XAF1: variants seen among roughly 807,000 people sequenced by gnomAD.
XAF1 encodes XIAP associated factor 1, also known as XIAP-associated factor 1.
A neutral mutation model predicts 32.3 loss-of-function variants in XAF1; 32 were observed. The ratio of observed to expected loss-of-function variants is 0.99; its 90% CI spans 0.75 to 1.33. The LOEUF is 1.33. Among genes scored for constraint, XAF1 ranks in the 40% most tolerant of loss-of-function variants. The pLI, the probability that XAF1 is intolerant of heterozygous loss-of-function variation, is 0.00. For synonymous variants in XAF1, 120 were observed against 125.9 expected, an observed-to-expected ratio of 0.95 and a Z score of 0.31; for missense variants, 379 against 366.0, an observed-to-expected ratio of 1.04 and a Z score of -0.29.
In XAF1 at chr17:6,774,632, G is replaced by T. The variant is rs1014657203; in HGVS notation, c.*1463G>T. 1 of 152,150 alleles carries T rather than the reference G, an allele frequency of 6.6e-6. No individual in the cohort carries two copies. The highest frequency in any genetic ancestry group is 2.4e-5 in the African/African-American group (1 of 41,418). The allele number at this position is 152,150 out of a possible 1,614,324, so 9.4% of individuals were successfully genotyped here. ...CCCATTATTGGTTATATACCCAAAG[G>T]AATCTAAATCATTCTGTCATAAAGA... is the stretch of plus-strand genomic sequence containing the variant. On this transcript the variant is annotated 3_prime_UTR_variant, in exon 7 of 7. Transcript: ENST00000361842.
Position 6,767,150 on chromosome 17 carries a change from A to G in XAF1, c.508-3493A>G, listed in dbSNP as rs149522102. 2.4e-3 allele frequency among the ~76,000 whole-genome samples: 361 copies of G among 152,314 alleles called. 6 individuals carry two copies. The highest frequency in any genetic ancestry group is 7.1e-3 in the African/African-American group (297 of 41,552). On this transcript the variant is annotated intron_variant, in intron 5 of 6. Coordinates refer to ENST00000361842, the MANE Select transcript of XAF1 (RefSeq NM_017523.5). ...ACACACTGTATACATGTATTAGAAAATCATTCTGTATTCTATAAGTATGTA... is the reference window on the plus strand; with the variant it reads ...ACACACTGTATACATGTATTAGAAAGTCATTCTGTATTCTATAAGTATGTA...
intron 5 of XAF1, among the ~76,000 whole-genome samples, chr17:6,769,949 C>T (rs1192047635): frequency 6.6e-6 from 1 of 152,212 alleles, no homozygotes; most frequent in Non-Finnish European, 1.5e-5. Flanking sequence ...TCTTACCCAC[C>T]ATAATTTATC....
intron 1 of XAF1, among the ~76,000 whole-genome samples, chr17:6,756,633 A>G (rs1974694555): frequency 6.6e-6 from 1 of 152,254 alleles, no homozygotes; most frequent in African/African-American, 2.4e-5. Flanking sequence ...AAAGCTCCCT[A>G]CCTGTGACAG....
In XAF1 at chr17:6,759,652, G is replaced by GTA; in HGVS notation, c.169-9_169-8insAT. On this transcript the variant is annotated splice_polypyrimidine_tract_variant and intron_variant, in intron 2 of 6. Coordinates refer to ENST00000361842, the MANE Select transcript of XAF1 (RefSeq NM_017523.5). ...CTGGTGTGTGTGTGTGTGTGTGTGT[G>GTA]TGTGTTTAGGTTGGGTGTACGATGT... 3.1e-6 allele frequency: 5 copies of GTA among 1,612,694 alleles called. No homozygotes were observed. Among genetic ancestry groups the GTA allele is most frequent in the Non-Finnish European group, 4.2e-6 (5 of 1,179,998 alleles).
At position 6,773,770 on chromosome 17, in the gene XAF1, G is replaced by C. The variant is rs1176118676; in HGVS notation, c.*601G>C. ...TATACACCAACGACATCCAAGCTGAGAGCCAAATCAAGAATGCAATCCTAT... is the reference window on the plus strand; with the variant it reads ...TATACACCAACGACATCCAAGCTGACAGCCAAATCAAGAATGCAATCCTAT... On this transcript the variant is annotated 3_prime_UTR_variant, in exon 7 of 7. Coordinates refer to ENST00000361842, the MANE Select transcript of XAF1 (RefSeq NM_017523.5). 6.6e-6 allele frequency: 1 copy of C among 152,038 alleles called. No homozygotes were observed. The highest frequency in any genetic ancestry group is 2.4e-5 in the African/African-American group (1 of 41,374). 9.4% of individuals were successfully genotyped at this position (152,038 alleles called of 1,614,324 possible). A position where few individuals can be genotyped will look rare whatever the true frequency, so the allele number is the denominator to read the frequency against.
chr17:6,759,212 T>A, intron 2 of XAF1: 1 of 1,049,476 alleles, frequency 9.5e-7, no homozygotes, highest in Non-Finnish European at 1.1e-6. Flanking sequence ...CATGCTAATC[T>A]GAGTCTACCT....
At chr17:6,756,323 C>G in intron 1 of XAF1, 1 of 1,368,704 alleles carries the variant, frequency 7.3e-7, no homozygotes, top group Non-Finnish European at 9.5e-7. Flanking sequence ...TTCACTGCAG[C>G]CCCTTTCCCC....
At chr17:6,756,244 G>A (rs944419225) in intron 1 of XAF1, 134 bp downstream of exon 1, 76 of 1,515,226 alleles carry the variant, frequency 5.0e-5, no homozygotes, top group Non-Finnish European at 6.2e-5. Context: ...GCTGGAGACC[G>A]TGGGCCCCAA....
rs555270427 is a variant in XAF1, at chr17:6,760,504, G to C, written c.324G>C (p.Arg108=). The C allele has an allele frequency of 3.7e-5, 60 of 1,613,642 alleles. No homozygotes were observed. In the South Asian group the frequency reaches 6.2e-4, roughly 17 times the overall value. ...LELHESYCGS[R]TELCQGCGQF... is the part of the protein sequence containing the mutation. ...TCCACGAGTCCTACTGTGGCAGCCG[G>C]ACAGAGCTCTGCCAAGGCTGTGGCC... is the stretch of plus-strand genomic sequence containing the variant. The change falls in exon 4 of 7, where the codon CGG becomes CGC. Residue 108 remains arginine, a synonymous_variant. Coordinates refer to ENST00000361842, the MANE Select transcript of XAF1 (RefSeq NM_017523.5).
intron 2 of XAF1, 168 bp from the exon 3 acceptor site, chr17:6,759,494 G>C (rs1469088625): frequency 1.4e-6 from 2 of 1,453,992 alleles, no homozygotes; most frequent in Middle Eastern, 2.5e-4. Context: ...CTTGAACACT[G>C]GGCGGGGTGC....
At position 6,773,110 on chromosome 17, in the gene XAF1, T is replaced by C. The variant is rs1280221446; in HGVS notation, c.850-3T>C. On this transcript the variant is annotated splice_region_variant and splice_polypyrimidine_tract_variant and intron_variant, in intron 6 of 6. Transcript: ENST00000361842. ...TCAAACTTTTTTTATATCCATTTCTTAGGAGAAATGCCGGTGGTTAGCTTC... is the reference window on the plus strand; with the variant it reads ...TCAAACTTTTTTTATATCCATTTCTCAGGAGAAATGCCGGTGGTTAGCTTC... 1 of 1,602,740 alleles carries C rather than the reference T, an allele frequency of 6.2e-7. No individual in the cohort carries two copies. Among genetic ancestry groups the C allele is most frequent in the African/African-American group, 1.3e-5 (1 of 74,084 alleles).
chr17:6,757,239 G>A (rs1198533944), intron 1 of XAF1, among the ~76,000 whole-genome samples: 2 of 152,158 alleles, frequency 1.3e-5, no homozygotes, highest in Non-Finnish European at 2.9e-5. Flanking sequence ...CTGACCTCAG[G>A]TGATCCACCC....
intron 5 of XAF1, among the ~76,000 whole-genome samples, chr17:6,770,182 T>C (rs1975912245): frequency 6.6e-6 from 1 of 152,218 alleles, no homozygotes; most frequent in South Asian, 2.1e-4. Context: ...TTCGAACAGT[T>C]CTGAAGACTG....
chr17:6,756,254 AG>A (rs1974644654), intron 1 of XAF1, 144 bp downstream of exon 1: 3 of 1,180,246 alleles, frequency 2.5e-6, no homozygotes, highest in East Asian at 4.6e-5. Context: ...GTGGGCCCCA[AG>A]GGTAGGAGGG....
rs74862549 is a variant in XAF1 at position 6,757,863 on chromosome 17, C to T, written c.33-226C>T. Among the ~76,000 whole-genome samples, 308 of 152,168 alleles carry T rather than the reference C, an allele frequency of 2.0e-3. 2 individuals carry two copies. The highest frequency in any genetic ancestry group is 7.2e-3 in the African/African-American group (300 of 41,528). The stretch of plus-strand genomic sequence containing the variant: ...CCTCCTGCTCCTTCCCATGCCCTGC[C>T]CCAGCAATGTAAGAGCTCTGTAGAT... On this transcript the variant is annotated intron_variant, in intron 1 of 6. Coordinates refer to ENST00000361842, the MANE Select transcript of XAF1 (RefSeq NM_017523.5).
chr17:6,757,562 GA>G (rs1974784199), intron 1 of XAF1: 1 of 105,178 alleles, frequency 9.5e-6, no homozygotes, highest in African/African-American at 3.8e-5. Context: ...AGGGGCACCA[GA>G]AAACAAGAAA....
chr17:6,759,160 C>T (rs1974973507), intron 2 of XAF1: 14 of 1,015,570 alleles, frequency 1.4e-5, no homozygotes, highest in Non-Finnish European at 1.7e-5. Flanking sequence ...TTAGCCCCTC[C>T]ACACAAAGCC....
intron 5 of XAF1, among the ~76,000 whole-genome samples, chr17:6,768,995 A>G (rs994145427): frequency 3.3e-5 from 5 of 152,154 alleles, no homozygotes; most frequent in Non-Finnish European, 7.4e-5. Context: ...CTTCTGGAAC[A>G]TAACACATGT....
At chr17:6,761,859 T>C (rs1354239913) in intron 4 of XAF1, 1 of 1,416,028 alleles carries the variant, frequency 7.1e-7, no homozygotes, top group South Asian at 1.2e-5. Flanking sequence ...TTGGCATCCG[T>C]GGCTACAGCT....
Sources: allele counts gnomAD v4.1 joint callset (sites outside exome capture counted in the v4.1 genomes callset), GRCh38; gene constraint gnomAD v4.1.1; transcripts MANE v1.5; gene names NCBI Gene and HGNC (gene_info 2026-07-23, HGNC 2026-07-21).